Variants in EXTL3 observed in about 807,000 individuals in gnomAD.
EXTL3 encodes the protein exostosin like glycosyltransferase 3.
Under a neutral mutation model 69.3 loss-of-function variants are expected in EXTL3, and 27 were observed. The observed-to-expected ratio is 0.39, with a 90% CI of 0.29 to 0.54. The LOEUF (loss-of-function observed/expected upper bound fraction) is 0.54, where lower values mean the gene tolerates loss of function less well. Among genes scored for constraint, EXTL3 ranks in the 20% least tolerant of loss-of-function variants. The pLI, the probability that EXTL3 is intolerant of heterozygous loss-of-function variation, is 0.69. For missense variants in EXTL3, 1,003 were observed against 1,231.8 expected, an observed-to-expected ratio of 0.81 and a Z score of 2.78; for synonymous variants, 511 against 499.4, an observed-to-expected ratio of 1.02 and a Z score of -0.31.
chr8:28,729,810 G>A (rs1031762249), intron 3 of EXTL3, among the ~76,000 whole-genome samples: 1 of 151,658 alleles, frequency 6.6e-6, no homozygotes, highest in African/African-American at 2.4e-5. Context: ...GACGCCTGGG[G>A]GGAACATAGT....
Position 28,750,632 on chromosome 8 carries a change from C to T in EXTL3, c.2551-25C>T. ...CTGTCAGTATTAGCTGGGATTCCCACTCTGTCTCTCTCTCCCGTTTCCAGG... is the reference window on the plus strand; with the variant it reads ...CTGTCAGTATTAGCTGGGATTCCCATTCTGTCTCTCTCTCCCGTTTCCAGG... On this transcript the variant is annotated intron_variant, in intron 6 of 6. Transcript: ENST00000220562. This position sits in a 1 kb window ranked among gnomAD's most constrained non-coding sequence, Gnocchi z 5.2. 1 of 1,596,622 alleles carries T rather than the reference C, an allele frequency of 6.3e-7. No homozygotes were observed. The highest frequency in any genetic ancestry group is 8.6e-7 in the Non-Finnish European group (1 of 1,164,198).
intron 1 of EXTL3, chr8:28,631,270 C>T (rs929620693): frequency 5.3e-5 from 8 of 151,878 alleles, no homozygotes; most frequent in African/African-American, 1.7e-4. Flanking sequence ...TTTTATACCA[C>T]GGCACTCTTC....
chr8:28,609,901 TAAAA>T lies in EXTL3; in HGVS notation n.314+2157_314+2160del, dbSNP rs35274445. On this transcript the variant is annotated intron_variant and non_coding_transcript_variant, in intron 2 of 4. Coordinates refer to the EXTL3 transcript ENST00000522725. The stretch of plus-strand genomic sequence containing the variant: ...TGAGACACTGGCTCAAAAAAATAAT[TAAAA>T]AAAAAAAAAAAAAGCCAGATGCAGT... 1.8e-3 allele frequency among the ~76,000 whole-genome samples: 223 copies of T among 122,356 alleles called. 1 individual carries two copies. The highest frequency in any genetic ancestry group is 2.9e-3 in the Admixed American group (35 of 12,256). The allele number at this position is 122,356 out of a possible 152,430, so 80.3% of individuals were successfully genotyped here. A position where few individuals can be genotyped will look rare whatever the true frequency, so the allele number is the denominator to read the frequency against.
rs189873897 is a variant in EXTL3, at chr8:28,733,630, C to G, written c.2276+2280C>G. Among the ~76,000 whole-genome samples, 150 of 149,590 alleles carry G rather than the reference C, an allele frequency of 1.0e-3. 2 individuals carry two copies. The South Asian group carries it at 0.015, about 15-fold the overall frequency. On this transcript the variant is annotated intron_variant, in intron 4 of 6. Transcript: ENST00000220562. ...CAAGCTGGTCTGAAACTCCTGGCCT[C>G]GAGCAAGCCTCCCAAGTGCTGGGAT...
chr8:28,702,430 G>C (rs915987779), intron 1 of EXTL3, among the ~76,000 whole-genome samples: 31 of 152,246 alleles, frequency 2.0e-4, no homozygotes, highest in Admixed American at 4.6e-4. Flanking sequence ...TCGGAGGCGA[G>C]CCAGGGCTGC....
At position 28,657,852 on chromosome 8, in the gene EXTL3, ATCCTGGGCTCTTTGACC is replaced by A. The variant is rs1201862571; in HGVS notation, c.-53+35052_-53+35068del. On this transcript the variant is annotated intron_variant, in intron 1 of 6. Coordinates refer to the EXTL3 transcript ENST00000523149. The stretch of plus-strand genomic sequence containing the variant: ...TGGCTTGGCAGCTAGCCTTGCTTCT[ATCCTGGGCTCTTTGACC>A]TCCTGGGCTTCACTCCTCCCTTAAT... Among the ~76,000 whole-genome samples, 4 of 152,160 alleles carry A rather than the reference ATCCTGGGCTCTTTGACC, an allele frequency of 2.6e-5. No homozygotes were observed. The East Asian group carries it at 7.7e-4, about 29-fold the overall frequency.
At chr8:28,608,343 C>T (rs1279669581) in intron 2 of EXTL3, among the ~76,000 whole-genome samples, 5 of 151,988 alleles carry the variant, frequency 3.3e-5, no homozygotes, top group African/African-American at 1.2e-4. Context: ...AATGTGAGAC[C>T]ATCTTGGGAG....
rs1454797072 is a variant in EXTL3 at position 28,754,347 on chromosome 8, C to T, written c.*3481C>T. The T allele has an allele frequency of 6.6e-6, 1 of 152,554 alleles. No individual in the cohort carries two copies. Among genetic ancestry groups the T allele is most frequent in the Non-Finnish European group, 1.5e-5 (1 of 68,290 alleles). 9.5% of individuals were successfully genotyped at this position (152,554 alleles called of 1,614,324 possible). A position where few individuals can be genotyped will look rare whatever the true frequency, so the allele number is the denominator to read the frequency against. ...GGGAAAGGGGGTAAAGGCGAGGACTCCTCTCCTGGGCTCTGCAGGTGGCAG... is the reference window on the plus strand; with the variant it reads ...GGGAAAGGGGGTAAAGGCGAGGACTTCTCTCCTGGGCTCTGCAGGTGGCAG... On this transcript the variant is annotated 3_prime_UTR_variant, in exon 7 of 7. Coordinates refer to ENST00000220562, the MANE Select transcript of EXTL3 (RefSeq NM_001440.4).
chr8:28,738,551 C>G (rs1277544456), intron 5 of EXTL3, among the ~76,000 whole-genome samples: 1 of 152,206 alleles, frequency 6.6e-6, no homozygotes, highest in African/African-American at 2.4e-5. Context: ...GTGCCGCTCT[C>G]TACCTCCCTC....
intron 1 of EXTL3, among the ~76,000 whole-genome samples, chr8:28,659,956 G>A (rs1807080475): frequency 6.6e-6 from 1 of 152,120 alleles, no homozygotes; most frequent in Non-Finnish European, 1.5e-5. Context: ...TTGTAAAATT[G>A]CATGCCCCCT....
At chr8:28,665,441 A>T (rs1807181657) in intron 1 of EXTL3, among the ~76,000 whole-genome samples, 1 of 132,936 alleles carries the variant, frequency 7.5e-6, no homozygotes, top group Non-Finnish European at 1.6e-5. Flanking sequence ...TTTTTTTGAG[A>T]CAGGGTCTTG....
intron 1 of EXTL3, among the ~76,000 whole-genome samples, chr8:28,629,862 A>G (rs925105642): frequency 2.0e-5 from 3 of 152,138 alleles, no homozygotes; most frequent in Non-Finnish European, 4.4e-5. Flanking sequence ...CCCAAAAGAC[A>G]GACTAAAAGG....
At chr8:28,615,558 C>A (rs1416310684) in intron 2 of EXTL3, among the ~76,000 whole-genome samples, 4 of 151,998 alleles carry the variant, frequency 2.6e-5, no homozygotes, top group Non-Finnish European at 4.4e-5. Flanking sequence ...ATTAATATAG[C>A]TACTCCAGTT....
upstream of EXTL3, among the ~76,000 whole-genome samples, chr8:28,619,795 G>A (rs1806384457): frequency 7.4e-6 from 1 of 135,924 alleles, no homozygotes; most frequent in African/African-American, 2.6e-5. Context: ...TTTATTTCTG[G>A]AGAGCCAGCT....
chr8:28,638,778 TG>T (rs1456871675), intron 1 of EXTL3, among the ~76,000 whole-genome samples: 1 of 151,920 alleles, frequency 6.6e-6, no homozygotes, highest in Non-Finnish European at 1.5e-5. Flanking sequence ...ATTACAGGCA[TG>T]TGCCACCATG....
At chr8:28,653,377 AAGTTT>A (rs1806957854) in intron 1 of EXTL3, among the ~76,000 whole-genome samples, 1 of 152,144 alleles carries the variant, frequency 6.6e-6, no homozygotes, top group African/African-American at 2.4e-5. Flanking sequence ...TATTTTCAAA[AAGTTT>A]AGTTTATCTA....
chr8:28,619,115 A>C (rs1306318936), upstream of EXTL3, among the ~76,000 whole-genome samples: 1 of 142,632 alleles, frequency 7.0e-6, no homozygotes, highest in Admixed American at 6.9e-5. Context: ...AAAAAAAAAA[A>C]ACAGCAGACC....
In EXTL3 at chr8:28,715,788, G is replaced by T. The variant is rs1009006477; in HGVS notation, c.-272G>T. On this transcript the variant is annotated 5_prime_UTR_variant, in exon 3 of 7. Coordinates refer to ENST00000220562, the MANE Select transcript of EXTL3 (RefSeq NM_001440.4). ...CAGGTACCTCCTCCCTTTCATCTCA[G>T]CAAGAATGTGGCACCTTTTATCGTT... is the stretch of plus-strand genomic sequence containing the variant. The T allele has an allele frequency of 3.2e-5, 15 of 466,378 alleles. No homozygotes were observed. Among genetic ancestry groups the T allele is most frequent in the African/African-American group, 2.7e-4 (14 of 51,534 alleles). The allele number at this position is 466,378 out of a possible 1,614,324, so 28.9% of individuals were successfully genotyped here. A position where few individuals can be genotyped will look rare whatever the true frequency, so the allele number is the denominator to read the frequency against.
At chr8:28,641,861 A>G (rs1806748439) in intron 1 of EXTL3, among the ~76,000 whole-genome samples, 2 of 151,926 alleles carry the variant, frequency 1.3e-5, no homozygotes, top group Admixed American at 6.6e-5. Flanking sequence ...CTTGAGACGG[A>G]GTCTCGCTCT....
Sources: allele counts gnomAD v4.1 joint callset (sites outside exome capture counted in the v4.1 genomes callset), GRCh38; gene constraint gnomAD v4.1.1; non-coding constraint Gnocchi (gnomAD v3.1); transcripts MANE v1.5; gene names NCBI Gene and HGNC (gene_info 2026-07-23, HGNC 2026-07-21).